Variants in MROH2A observed in about 807,000 individuals in gnomAD.
The protein encoded by MROH2A is maestro heat-like repeat-containing protein family member 2A.
Under a neutral mutation model 200.4 loss-of-function variants are expected in MROH2A, and 174 were observed. That is an observed-to-expected ratio of 0.87 (90% confidence interval 0.77 to 0.98). MROH2A has a LOEUF of 0.98. Ranked by LOEUF, MROH2A falls within the 50% of genes least tolerant of loss-of-function variation. MROH2A has a pLI of 0.00. For synonymous variants in MROH2A, 829 were observed against 840.4 expected (o/e 0.99, Z 0.23); for missense variants, 2,045 against 2,139.6 (o/e 0.96, Z 0.87).
intron 3 of MROH2A, 87 bp from the exon 4 acceptor site, chr2:233,789,410 G>A (rs1222307396): frequency 4.8e-6 from 6 of 1,249,154 alleles, no homozygotes; most frequent in Admixed American, 3.9e-5. Context: ...TGGTTTGGGT[G>A]TAGGGAAGGA....
At chr2:233,821,091 C>T (rs1576002266) in intron 31 of MROH2A, among the ~76,000 whole-genome samples, 1 of 152,178 alleles carries the variant, frequency 6.6e-6, no homozygotes, top group African/African-American at 2.4e-5. Context: ...AAATTATCAC[C>T]CACTTAGAAG....
intron 5 of MROH2A, among the ~76,000 whole-genome samples, chr2:233,790,992 A>G (rs1192576737): frequency 2.0e-5 from 3 of 152,214 alleles, no homozygotes; most frequent in Non-Finnish European, 4.4e-5. Flanking sequence ...AGAGAGGAGG[A>G]TGTCTGTGTG....
At chr2:233,790,674 CCCTT>C (rs371940480) in intron 5 of MROH2A, among the ~76,000 whole-genome samples, 14 of 12,314 alleles carry the variant, frequency 1.1e-3, no homozygotes, top group Admixed American at 2.1e-3. Context: ...CTCCCTCCCT[CCCTT>C]CCTTCCTTCC....
intron 28 of MROH2A, 118 bp from the exon 29 acceptor site, chr2:233,818,534 C>T (rs1703706416): frequency 9.6e-6 from 7 of 730,864 alleles, no homozygotes; most frequent in South Asian, 3.0e-5. Context: ...ACGCCTGGGA[C>T]GTTCACATGC....
chr2:233,832,413 G>A, intron 40 of MROH2A, 134 bp downstream of exon 40: 1 of 956,366 alleles, frequency 1.0e-6, no homozygotes, highest in Non-Finnish European at 1.6e-6. Flanking sequence ...TCTAAGCCCT[G>A]CACTGTGCTT....
At chr2:233,823,833 G>A (rs1034074857) in intron 35 of MROH2A, among the ~76,000 whole-genome samples, 169 bp downstream of exon 35, 5 of 152,224 alleles carry the variant, frequency 3.3e-5, no homozygotes, top group African/African-American at 1.2e-4. Flanking sequence ...CATCACATGA[G>A]TAGTGCAGGG....
chr2:233,822,500 G>A lies in MROH2A; in HGVS notation c.3810G>A (p.Leu1270=), dbSNP rs535457252. The A allele has an allele frequency of 1.9e-5, 29 of 1,550,680 alleles. No individual in the cohort carries two copies. The highest frequency in any genetic ancestry group is 1.4e-4 in the South Asian group (12 of 84,068). The change falls in exon 33 of 42, where the codon TTG becomes TTA. Residue 1270 remains leucine, a synonymous_variant. Coordinates refer to ENST00000389758, the MANE Select transcript of MROH2A (RefSeq NM_001394639.1). The part of the protein sequence containing the change: ...SHRPEAAPPV[L]KMWKLVHTTP... ...GACCAGAGGCCGCCCCGCCGGTCTT[G>A]AAGATGTGGAAGCTGGTCCACACCA...
chr2:233,798,178 G>A (rs910993766), intron 11 of MROH2A, among the ~76,000 whole-genome samples: 3 of 152,118 alleles, frequency 2.0e-5, no homozygotes, highest in South Asian at 4.2e-4. Flanking sequence ...CCCCTCTTAA[G>A]CTTCCTGCTT....
At chr2:233,794,646 C>T (rs562248358) in intron 8 of MROH2A, 140 bp downstream of exon 8, 8 of 601,668 alleles carry the variant, frequency 1.3e-5, no homozygotes, top group South Asian at 3.9e-5. Context: ...CTGTGCCCTG[C>T]GAGGGAGGGG....
intron 35 of MROH2A, among the ~76,000 whole-genome samples, chr2:233,826,215 G>T (rs1022378875): frequency 6.6e-6 from 1 of 152,122 alleles, no homozygotes; most frequent in Non-Finnish European, 1.5e-5. Context: ...GAGCCACCAC[G>T]CCCGACCACC....
At chr2:233,833,067 T>C in intron 41 of MROH2A, 71 bp from the exon 42 acceptor site, 2 of 1,456,494 alleles carry the variant, frequency 1.4e-6, no homozygotes, top group Non-Finnish European at 1.8e-6. Context: ...CTGCCATCAC[T>C]GCCCAGGGCA....
Position 233,818,741 on chromosome 2 carries a change from ATCT to A in MROH2A, c.3179_3181del (p.Phe1060del). 4 of 1,549,246 alleles carry A rather than the reference ATCT, an allele frequency of 2.6e-6. No individual in the cohort carries two copies. Among genetic ancestry groups the A allele is most frequent in the East Asian group, 2.4e-5 (1 of 40,870 alleles). On this transcript the variant is annotated inframe_deletion, in exon 29 of 42. Coordinates refer to ENST00000389758, the MANE Select transcript of MROH2A (RefSeq NM_001394639.1). ...CCTCCAGAGCACAGATGTGGAGAAG[ATCT>A]TCTGTGCATCCTCCAGAATCGCCAA...
At chr2:233,832,755 CG>C (rs1266031659) in intron 41 of MROH2A, 111 bp downstream of exon 41, 12 of 357,464 alleles carry the variant, frequency 3.4e-5, no homozygotes, top group South Asian at 7.1e-5. Flanking sequence ...TGTGGGGTTT[CG>C]GGGGGGTGGG....
intron 7 of MROH2A, 83 bp from the exon 8 acceptor site, chr2:233,794,280 G>T: frequency 9.5e-7 from 1 of 1,052,752 alleles, no homozygotes; most frequent in African/African-American, 1.6e-5. Context: ...CTGTGTCCTT[G>T]GATTCTGTGG....
chr2:233,804,601 G>A, intron 18 of MROH2A, 54 bp downstream of exon 18: 1 of 1,505,930 alleles, frequency 6.6e-7, no homozygotes, highest in Non-Finnish European at 9.0e-7. Context: ...GATGGGAGCA[G>A]ATGGAAAGGC....
intron 30 of MROH2A, 46 bp from the exon 31 acceptor site, chr2:233,819,856 C>A: frequency 6.9e-7 from 1 of 1,459,336 alleles, no homozygotes; most frequent in Non-Finnish European, 9.1e-7. Flanking sequence ...TGCAGGAGGC[C>A]ATAGGGGCCT....
At position 233,829,699 on chromosome 2, in the gene MROH2A, T is replaced by C. The variant is rs1208194541; in HGVS notation, c.4526T>C (p.Phe1509Ser). Residue 1509 changes from phenylalanine to serine, a missense_variant, in exon 38 of 42, where the codon TTC (phenylalanine) becomes TCC (serine). Around this residue, in one of 3 missense-constraint regions of MROH2A, gnomAD observed 1,201 missense variants for 1,311.3 expected, o/e 0.92. Coordinates refer to ENST00000389758, the MANE Select transcript of MROH2A (RefSeq NM_001394639.1). Reference sequence around the variant, plus strand: ...GTGGTCGGGATGTCCAAGAAGCATTTCTTCAAAGGGGAGGTGAAGAAGGCC... The same window carrying C: ...GTGGTCGGGATGTCCAAGAAGCATTCCTTCAAAGGGGAGGTGAAGAAGGCC... ...ARVVGMSKKH[F>S]FKGEVKKAWI... 2 of 1,496,000 alleles carry C rather than the reference T, an allele frequency of 1.3e-6. No homozygotes were observed. The highest frequency in any genetic ancestry group is 2.9e-5 in the African/African-American group (2 of 70,148). The allele number at this position is 1,496,000 out of a possible 1,614,324, so 92.7% of individuals were successfully genotyped here. A position where few individuals can be genotyped will look rare whatever the true frequency, so the allele number is the denominator to read the frequency against.
chr2:233,823,235 G>C (rs1016208144), intron 34 of MROH2A, among the ~76,000 whole-genome samples: 2 of 152,222 alleles, frequency 1.3e-5, no homozygotes, highest in Admixed American at 6.5e-5. Context: ...TATGAGGGCA[G>C]AAAGAGGAGG....
In MROH2A at chr2:233,800,276, T is replaced by C. The variant is rs28900431; in HGVS notation, c.1521T>C (p.Thr507=). The change falls in exon 14 of 42, where the codon ACT becomes ACC. Residue 507 remains threonine, a synonymous_variant. Transcript: ENST00000389758. The stretch of plus-strand genomic sequence containing the variant: ...TGGTCCACAAAGTCACCATGGACAC[T>C]GTGAAGATCATTACCTCTTCTGTCA... ...ERMVHKVTMD[T]VKIITSSVSG... is the part of the protein sequence containing the mutation. 14,163 of 1,549,978 alleles carry C rather than the reference T, an allele frequency of 9.1e-3. 692 individuals are homozygous for C. The African/African-American group carries it at 0.12, about 14-fold the overall frequency.
Sources: allele counts gnomAD v4.1 joint callset (sites outside exome capture counted in the v4.1 genomes callset), GRCh38; gene constraint gnomAD v4.1.1; regional missense constraint gnomAD v4.1.1; transcripts MANE v1.5; gene names NCBI Gene and HGNC (gene_info 2026-07-23, HGNC 2026-07-21).